Variants in NAV2 observed in about 807,000 individuals in gnomAD.
NAV2 encodes the protein neuron navigator 2, also known as helicase, APC down-regulated 1.
Under a neutral mutation model 223.2 loss-of-function variants are expected in NAV2, and 54 were observed. The ratio of observed to expected loss-of-function variants is 0.24; its 90% confidence interval spans 0.19 to 0.30. The LOEUF is 0.30. NAV2 is among the 10% of genes least tolerant of loss of function. NAV2 has a pLI of 1.00. For missense variants in NAV2, 2,806 were observed against 3,147.5 expected (o/e 0.89, Z 2.60); for synonymous variants, 1,279 against 1,239.3 (o/e 1.03, Z -0.67).
intron 1 of NAV2, among the ~76,000 whole-genome samples, chr11:19,584,474 T>G (rs2045827048): frequency 2.0e-5 from 3 of 152,290 alleles, no homozygotes; most frequent in Admixed American, 6.5e-5. Context: ...TGATGTTAGG[T>G]TGTCAATTTT....
At chr11:19,945,098 C>G (rs2046789618) in intron 8 of NAV2, among the ~76,000 whole-genome samples, 1 of 119,526 alleles carries the variant, frequency 8.4e-6, no homozygotes, top group Admixed American at 9.4e-5. Flanking sequence ...TTCTTCTCTT[C>G]TCTTCTTTCT....
At chr11:19,797,649 G>A (rs1415580364) in intron 1 of NAV2, among the ~76,000 whole-genome samples, 1 of 152,182 alleles carries the variant, frequency 6.6e-6, no homozygotes, top group African/African-American at 2.4e-5. Context: ...AGATATGGCA[G>A]CTCTGGTTGG....
At chr11:19,839,985 C>T (rs1336470725) in intron 2 of NAV2, among the ~76,000 whole-genome samples, 3 of 152,168 alleles carry the variant, frequency 2.0e-5, no homozygotes, top group Non-Finnish European at 4.4e-5. Context: ...CTAAATTCAG[C>T]TTTGAAGACC....
At chr11:19,533,957 CGG>C in intron 1 of NAV2, among the ~76,000 whole-genome samples, 1 of 151,212 alleles carries the variant, frequency 6.6e-6, no homozygotes, top group African/African-American at 2.5e-5. Context: ...CCGCCCGCCT[CGG>C]CCTCCCAAAG....
At chr11:19,999,596 C>T (rs1441599319) in intron 11 of NAV2, among the ~76,000 whole-genome samples, 2 of 152,188 alleles carry the variant, frequency 1.3e-5, no homozygotes, top group African/African-American at 4.8e-5. Context: ...GTCTCAAATT[C>T]CTGACCTCAG....
chr11:19,534,163 T>TA (rs1160834500), intron 1 of NAV2, among the ~76,000 whole-genome samples: 1 of 152,202 alleles, frequency 6.6e-6, no homozygotes, highest in Non-Finnish European at 1.5e-5. Flanking sequence ...AGTTACTCCT[T>TA]ACTGCATCTC....
At chr11:19,374,333 T>TAA (rs751932779) in intron 1 of NAV2, among the ~76,000 whole-genome samples, 150 of 110,562 alleles carry the variant, frequency 1.4e-3, no homozygotes, top group Non-Finnish European at 2.2e-3. Context: ...TTTTTTTTTT[T>TAA]AAAATCAGCT....
At chr11:20,024,712 C>T (rs1256945317) in intron 11 of NAV2, among the ~76,000 whole-genome samples, 1 of 152,188 alleles carries the variant, frequency 6.6e-6, no homozygotes, top group Non-Finnish European at 1.5e-5. Context: ...TGGGAGATAG[C>T]CGCCTCCCTT....
intron 1 of NAV2, among the ~76,000 whole-genome samples, chr11:19,354,324 T>C (rs1316478053): frequency 6.6e-6 from 1 of 152,246 alleles, no homozygotes; most frequent in Non-Finnish European, 1.5e-5. Flanking sequence ...CCACTAGCCA[T>C]ATCTGGCTAC....
intron 2 of NAV2, among the ~76,000 whole-genome samples, chr11:19,832,919 T>C (rs945940828): frequency 3.3e-5 from 5 of 152,174 alleles, no homozygotes; most frequent in Non-Finnish European, 7.3e-5. Context: ...TTTCTGGCTC[T>C]CTCATTTCCC....
At chr11:19,756,595 T>C (rs1485917393) in intron 1 of NAV2, among the ~76,000 whole-genome samples, 1 of 152,218 alleles carries the variant, frequency 6.6e-6, no homozygotes, top group Non-Finnish European at 1.5e-5. Flanking sequence ...TATTAAGGAA[T>C]TAAACAGGGT....
intron 1 of NAV2, among the ~76,000 whole-genome samples, chr11:19,396,543 T>C (rs1849456426): frequency 2.0e-5 from 3 of 152,200 alleles, no homozygotes. Context: ...ATGAGATCCA[T>C]GAAGTCTGTT....
At chr11:19,832,786 T>A (rs1158363556) in intron 2 of NAV2, among the ~76,000 whole-genome samples, 185 bp downstream of exon 2, 2 of 152,202 alleles carry the variant, frequency 1.3e-5, no homozygotes, top group East Asian at 3.9e-4. Flanking sequence ...GCTTTTCCTG[T>A]TAAGGTCACA....
intron 1 of NAV2, among the ~76,000 whole-genome samples, chr11:19,486,691 T>G (rs751537924): frequency 6.6e-6 from 1 of 152,196 alleles, no homozygotes; most frequent in African/African-American, 2.4e-5. Flanking sequence ...CCTCTTTCCT[T>G]TATAAATTAC....
intron 10 of NAV2, among the ~76,000 whole-genome samples, chr11:19,959,319 A>T (rs1381408446): frequency 6.6e-6 from 1 of 152,166 alleles, no homozygotes; most frequent in Non-Finnish European, 1.5e-5. Context: ...AGAGGGGAAG[A>T]ACACCCTGCG....
intron 1 of NAV2, among the ~76,000 whole-genome samples, chr11:19,636,340 C>T (rs906371946): frequency 5.3e-5 from 8 of 152,126 alleles, no homozygotes; most frequent in African/African-American, 1.9e-4. Context: ...TATACTCAAA[C>T]CACCTTCTGG....
intron 3 of NAV2, among the ~76,000 whole-genome samples, chr11:19,859,763 TGGGGGG>T (rs2061591461): frequency 3.2e-5 from 3 of 93,208 alleles, no homozygotes; most frequent in African/African-American, 8.4e-5. Context: ...GCTGGCCGGG[TGGGGGG>T]CTGACCCCCC....
chr11:19,897,278 T>C (rs1337381062), intron 6 of NAV2, among the ~76,000 whole-genome samples: 2 of 152,110 alleles, frequency 1.3e-5, no homozygotes, highest in Non-Finnish European at 2.9e-5. Context: ...ATATACCTAA[T>C]GTTAAATGAC....
Position 20,100,963 on chromosome 11 carries a change from C to G in NAV2, c.6208C>G (p.Leu2070Val). ...KGLAENSLDS[L>V]VFESLIPKPI... The stretch of plus-strand genomic sequence containing the variant: ...GCTCGCAGAAAACAGCCTGGACTCA[C>G]TGGTGTTTGAGTCCTTGATTCCCAA... The change falls in exon 32 of 38, where the codon CTG becomes GTG. Residue 2070 changes from leucine (L) to valine (V), a missense_variant. Physicochemically the swap from Leu to Val is conservative, Grantham distance 32. This residue lies in a region of NAV2 where 824 missense variants were observed against 1,069.4 expected (regional missense o/e 0.77). Transcript: ENST00000349880. 1 of 1,614,018 alleles carries G rather than the reference C, an allele frequency of 6.2e-7. No individual in the cohort carries two copies. Among genetic ancestry groups the G allele is most frequent in the Non-Finnish European group, 8.5e-7 (1 of 1,179,924 alleles).
Sources: gnomAD v4.1 joint callset for allele counts (sites outside exome capture counted in the v4.1 genomes callset) on GRCh38, gnomAD v4.1.1 for gene constraint, gnomAD v4.1.1 regional missense constraint, MANE v1.5 for transcripts, NCBI Gene and HGNC (gene_info 2026-07-23, HGNC 2026-07-21) for gene names.